FARP1: variants seen among roughly 807,000 people sequenced by gnomAD.
FARP1 encodes FERM, ARH/RhoGEF and pleckstrin domain protein 1.
In FARP1, 52 loss-of-function variants were observed where a neutral mutation model predicts 128.8. The observed-to-expected ratio is 0.40, with a 90% CI of 0.32 to 0.51. The LOEUF (loss-of-function observed/expected upper bound fraction) is 0.51. Ranked by LOEUF, FARP1 falls within the 20% of genes least tolerant of loss-of-function variation. The pLI is 0.45. For missense variants in FARP1, 1,333 were observed against 1,367.9 expected (o/e 0.97, Z 0.40); for synonymous variants, 580 against 551.8 (o/e 1.05, Z -0.72).
intron 2 of FARP1, among the ~76,000 whole-genome samples, chr13:98,223,572 CGCCT>C (rs1881562693): frequency 6.6e-6 from 1 of 152,028 alleles, no homozygotes; most frequent in African/African-American, 2.4e-5. Context: ...GTGATCCACC[CGCCT>C]CGGCCTCCCA....
At chr13:98,194,112 T>TTTA (rs997791911) in intron 1 of FARP1, among the ~76,000 whole-genome samples, 27 of 151,978 alleles carry the variant, frequency 1.8e-4, no homozygotes, top group African/African-American at 5.5e-4. Context: ...TTATTTTCTA[T>TTTA]TTATTATTAT....
At chr13:98,195,783 T>C (rs1305781971) in intron 1 of FARP1, among the ~76,000 whole-genome samples, 1 of 152,132 alleles carries the variant, frequency 6.6e-6, no homozygotes, top group Non-Finnish European at 1.5e-5. Flanking sequence ...TCCCAGCACT[T>C]TGGGAAGCCA....
At position 98,271,897 on chromosome 13, in the gene FARP1, C is replaced by T. The variant is rs186479412; in HGVS notation, c.171+58484C>T. Among the ~76,000 whole-genome samples, 59 of 152,192 alleles carry T rather than the reference C, an allele frequency of 3.9e-4. No homozygotes were observed. The East Asian group carries it at 7.9e-3, about 20-fold the overall frequency. On this transcript the variant is annotated intron_variant, in intron 2 of 26. Transcript: ENST00000319562. ...TGTAAATAGTGCTGCAATAAATGTACGTGTGCATGCTTCCTTATCATAGAA... is the reference window on the plus strand; with the variant it reads ...TGTAAATAGTGCTGCAATAAATGTATGTGTGCATGCTTCCTTATCATAGAA...
chr13:98,287,114 C>T (rs758908248), intron 2 of FARP1, among the ~76,000 whole-genome samples: 6 of 150,284 alleles, frequency 4.0e-5, no homozygotes, highest in African/African-American at 7.4e-5. Context: ...ACAAAATGTT[C>T]GCTTTTCCTT....
intron 21 of FARP1, 108 bp from the exon 22 acceptor site, chr13:98,439,853 C>T (rs767992393): frequency 1.3e-6 from 1 of 793,096 alleles, no homozygotes. Flanking sequence ...GTCTCCTGAG[C>T]CCTGCTCAGG....
In FARP1 at chr13:98,385,800, A is replaced by G; in HGVS notation, c.745A>G (p.Ile249Val). The G allele has an allele frequency of 1.2e-6, 2 of 1,614,130 alleles. No individual in the cohort carries two copies. The highest frequency in any genetic ancestry group is 2.2e-5 in the South Asian group (2 of 91,080). ...CAATCTGGCCGTTGCCAACACGGGAATTCTAGTGTTTCAGGTGAGAGCCTT... is the reference window on the plus strand; with the variant it reads ...CAATCTGGCCGTTGCCAACACGGGAGTTCTAGTGTTTCAGGTGAGAGCCTT... ...KINLAVANTGILVFQGFTKIN... is the reference protein window; with the variant it reads ...KINLAVANTGVLVFQGFTKIN... Residue 249 changes from isoleucine to valine, a missense_variant, in exon 8 of 27, where the codon ATT becomes GTT. Physicochemically the swap from Ile to Val is conservative, Grantham distance 29. This residue lies in a region of FARP1 where 324 missense variants were observed against 398.1 expected (regional missense o/e 0.81). Coordinates refer to ENST00000319562, the MANE Select transcript of FARP1 (RefSeq NM_005766.4).
chr13:98,376,072 T>G (rs2140003402), intron 5 of FARP1, among the ~76,000 whole-genome samples: 1 of 152,306 alleles, frequency 6.6e-6, no homozygotes, highest in South Asian at 2.1e-4. Flanking sequence ...TTCGGTTTGG[T>G]TTTGTCTTGC....
At chr13:98,142,625 C>T (rs1383500106), upstream of FARP1, 1 of 152,244 alleles carries the variant, frequency 6.6e-6, no homozygotes, top group Non-Finnish European at 1.5e-5. Flanking sequence ...GAGGGGAGGG[C>T]TCGGTGGGTC....
intron 2 of FARP1, among the ~76,000 whole-genome samples, chr13:98,271,945 A>G (rs1238122521): frequency 6.6e-6 from 1 of 152,190 alleles, no homozygotes; most frequent in East Asian, 1.9e-4. Context: ...CTTTGGGTTT[A>G]TACCCAGTAA....
chr13:98,288,089 C>T (rs1286459666), intron 2 of FARP1, among the ~76,000 whole-genome samples: 1 of 152,130 alleles, frequency 6.6e-6, no homozygotes, highest in Non-Finnish European at 1.5e-5. Context: ...CGTGAGCCTC[C>T]GTACCCGGCC....
chr13:98,237,219 G>A (rs528057677), intron 2 of FARP1, among the ~76,000 whole-genome samples: 3 of 151,044 alleles, frequency 2.0e-5, no homozygotes, highest in African/African-American at 4.9e-5. Context: ...CAGGAGAATC[G>A]CTTGAACCTG....
At chr13:98,171,464 C>A (rs946312936) in intron 1 of FARP1, among the ~76,000 whole-genome samples, 1 of 152,202 alleles carries the variant, frequency 6.6e-6, no homozygotes, top group Non-Finnish European at 1.5e-5. Context: ...AGACCTCTCT[C>A]TTGCTTTCTG....
intron 1 of FARP1, among the ~76,000 whole-genome samples, chr13:98,181,266 C>T (rs1878489722): frequency 6.6e-6 from 1 of 152,170 alleles, no homozygotes; most frequent in Admixed American, 6.5e-5. Flanking sequence ...GTTAACGTAG[C>T]TTGGCTGTCT....
intron 2 of FARP1, among the ~76,000 whole-genome samples, chr13:98,217,361 G>A (rs1566754433): frequency 1.3e-5 from 2 of 152,208 alleles, no homozygotes; most frequent in Non-Finnish European, 2.9e-5. Flanking sequence ...GTGGTGGCCA[G>A]TTGCAGGCGG....
chr13:98,393,465 C>G (rs1890389884), intron 11 of FARP1, among the ~76,000 whole-genome samples, 178 bp from the exon 12 acceptor site: 11 of 152,234 alleles, frequency 7.2e-5, no homozygotes, highest in Admixed American at 7.2e-4. Flanking sequence ...CATGCAAGTG[C>G]TATCAAAGGA....
chr13:98,445,106 G>A (rs1892742155), intron 24 of FARP1: 1 of 152,296 alleles, frequency 6.6e-6, no homozygotes, highest in Admixed American at 6.5e-5. Flanking sequence ...GGAGGGCAGG[G>A]ACATCAGACC....
At chr13:98,142,713 C>T (rs1167037587), upstream of FARP1, 1 of 152,538 alleles carries the variant, frequency 6.6e-6, no homozygotes, top group African/African-American at 2.4e-5. Flanking sequence ...CCTGCAGAGT[C>T]CGAGCCCCTG....
chr13:98,232,148 T>TG (rs1566773071), intron 2 of FARP1, among the ~76,000 whole-genome samples: 7 of 120,224 alleles, frequency 5.8e-5, no homozygotes, highest in Non-Finnish European at 1.0e-4. Flanking sequence ...TTGGTTGGTT[T>TG]TTTTTTTTTT....
At position 98,330,659 on chromosome 13, in the gene FARP1, G is replaced by A. The variant is rs61968361; in HGVS notation, c.172-13103G>A. 2.7e-3 allele frequency among the ~76,000 whole-genome samples: 405 copies of A among 152,062 alleles called. 1 individual carries two copies. The highest frequency in any genetic ancestry group is 4.1e-3 in the Non-Finnish European group (280 of 68,010). On this transcript the variant is annotated intron_variant, in intron 2 of 26. Coordinates refer to ENST00000319562, the MANE Select transcript of FARP1 (RefSeq NM_005766.4). ...AATCCCAGCTACTCGAGAGGCTGAG[G>A]CAGGAGAATCACTTGAACCTGGGAG...
Sources: gnomAD v4.1 joint callset for allele counts (sites outside exome capture counted in the v4.1 genomes callset) on GRCh38, gnomAD v4.1.1 for gene constraint, gnomAD v4.1.1 regional missense constraint, MANE v1.5 for transcripts, NCBI Gene and HGNC (gene_info 2026-07-23, HGNC 2026-07-21) for gene names.